BCL11A: variants seen among roughly 807,000 people sequenced by gnomAD.
BCL11A encodes the protein B cell CLL/lymphoma 11A.
A neutral mutation model predicts 55.9 loss-of-function variants in BCL11A; 2 were observed. The observed-to-expected ratio is 0.04, with a 90% confidence interval of 0.01 to 0.11. The LOEUF (loss-of-function observed/expected upper bound fraction) is 0.11, where lower values mean the gene tolerates loss of function less well. Ranked by LOEUF, BCL11A falls within the 10% of genes least tolerant of loss-of-function variation. The pLI is 1.00. For missense variants in BCL11A, 817 were observed against 1,137.1 expected, an observed-to-expected ratio of 0.72 and a Z score of 4.05; for synonymous variants, 465 against 473.4, an observed-to-expected ratio of 0.98 and a Z score of 0.23.
intron 2 of BCL11A, among the ~76,000 whole-genome samples, chr2:60,471,602 G>A (rs1677201282): frequency 6.6e-6 from 1 of 152,224 alleles, no homozygotes; most frequent in Non-Finnish European, 1.5e-5. Flanking sequence ...GAGCAGCTCT[G>A]CCTTCCCAGG....
intron 2 of BCL11A, chr2:60,532,825 C>G (rs933152412): frequency 2.6e-5 from 4 of 152,182 alleles, no homozygotes; most frequent in Non-Finnish European, 5.9e-5. Context: ...TGTAAATTCC[C>G]TGAAAATACA....
chr2:60,454,340 G>T (rs1246480764), downstream of BCL11A, among the ~76,000 whole-genome samples: 1 of 152,178 alleles, frequency 6.6e-6, no homozygotes, highest in African/African-American at 2.4e-5. Context: ...CTGCTAGATG[G>T]CTCATGCCTT....
chr2:60,516,798 A>G (rs895382836), intron 2 of BCL11A, among the ~76,000 whole-genome samples: 11 of 152,266 alleles, frequency 7.2e-5, no homozygotes, highest in Admixed American at 3.9e-4. Context: ...GAGTGCAGAC[A>G]TAAGACTAAA....
intron 2 of BCL11A, chr2:60,537,569 C>A (rs1167624386): frequency 2.0e-5 from 3 of 152,184 alleles, no homozygotes; most frequent in African/African-American, 7.2e-5. Context: ...TATTAAAACT[C>A]TATATTTAAA....
Position 60,546,222 on chromosome 2 carries a change from A to C in BCL11A, c.134T>G (p.Leu45Arg), listed in dbSNP as rs147322058. 1.6e-5 allele frequency: 26 copies of C among 1,614,116 alleles called. No individual in the cohort carries two copies. The Middle Eastern group carries it at 8.2e-4, about 51-fold the overall frequency. Residue 45 changes from leucine (L) to arginine (R), a missense_variant, in exon 2 of 4, where the codon CTC (leucine) becomes CGC (arginine). Leu to Arg is a moderately radical substitution (Grantham distance 102, BLOSUM62 -2). Around this residue, in one of 4 missense-constraint regions of BCL11A, gnomAD observed 363 missense variants for 486.6 expected, o/e 0.75. Transcript: ENST00000642384. This position sits in a 1 kb window ranked among gnomAD's most constrained non-coding sequence, Gnocchi z 4.1. ...CATCTGGCACTGCCCACAGGTGAGG[A>C]GGTCATGATCCCCTTCTGGAGCTCC... ...PLGAPEGDHDLLTCGQCQMNF... is the reference protein window; with the variant it reads ...PLGAPEGDHDRLTCGQCQMNF...
chr2:60,490,830 T>A (rs1259226449), intron 2 of BCL11A, among the ~76,000 whole-genome samples: 2 of 152,194 alleles, frequency 1.3e-5, no homozygotes, highest in Non-Finnish European at 2.9e-5. Flanking sequence ...TGATTTACCT[T>A]CCTAAAAGGG....
In BCL11A at chr2:60,462,249, A is replaced by G. The variant is rs756285232; in HGVS notation, c.663T>C (p.Cys221=). Residue 221 remains cysteine, a synonymous_variant, in exon 4 of 4, where the codon TGT becomes TGC. Coordinates refer to ENST00000642384, the MANE Select transcript of BCL11A (RefSeq NM_022893.4). ...VGIPSGLGAE[C]PSQPPLHGIH... ...TCCCATGGAGAGGTGGCTGGGAAGG[A>G]CATTCTGCACCTAGTCCTGAAGGGA... is the stretch of plus-strand genomic sequence containing the variant. 10 of 1,613,804 alleles carry G rather than the reference A, an allele frequency of 6.2e-6. No individual in the cohort carries two copies. Among genetic ancestry groups the G allele is most frequent in the Non-Finnish European group, 8.5e-6 (10 of 1,179,952 alleles).
At chr2:60,537,295 A>T (rs140011420) in intron 2 of BCL11A, 68 of 152,298 alleles carry the variant, frequency 4.5e-4, no homozygotes, top group Non-Finnish European at 8.2e-4. Context: ...TAATTTTTTT[A>T]AAATATTAGG....
intron 2 of BCL11A, among the ~76,000 whole-genome samples, chr2:60,513,713 A>G (rs1380836490): frequency 1.3e-5 from 2 of 152,196 alleles, no homozygotes; most frequent in African/African-American, 4.8e-5. Flanking sequence ...AAAAAGAAAT[A>G]GCCTCCCATC....
At chr2:60,535,295 C>T (rs1297695259) in intron 2 of BCL11A, 1 of 152,042 alleles carries the variant, frequency 6.6e-6, no homozygotes, top group African/African-American at 2.4e-5. Context: ...TTTTTTAATG[C>T]AAAATTGTAA....
chr2:60,467,244 T>C, intron 3 of BCL11A, among the ~76,000 whole-genome samples: 3 of 120,996 alleles, frequency 2.5e-5, no homozygotes, highest in African/African-American at 9.8e-5. Flanking sequence ...GTAGTGATGG[T>C]GGTGGTAATG....
chr2:60,472,732 T>C (rs1677278081), intron 2 of BCL11A, among the ~76,000 whole-genome samples: 2 of 152,248 alleles, frequency 1.3e-5, no homozygotes. Context: ...CTCAAGAACA[T>C]CTCAAAGATT....
chr2:60,462,534 A>G, intron 3 of BCL11A, 110 bp from the exon 4 acceptor site: 1 of 1,473,282 alleles, frequency 6.8e-7, no homozygotes, highest in Admixed American at 2.5e-5. Context: ...CCTCAACCCC[A>G]AGGCCTAAGC....
At chr2:60,516,008 C>T (rs993513686) in intron 2 of BCL11A, among the ~76,000 whole-genome samples, 2 of 152,182 alleles carry the variant, frequency 1.3e-5, no homozygotes, top group African/African-American at 2.4e-5. Context: ...GTCTGAAGGG[C>T]GGTGGCCCCT....
downstream of BCL11A, chr2:60,457,110 T>C: frequency 2.9e-6 from 1 of 342,678 alleles, no homozygotes; most frequent in Non-Finnish European, 4.2e-6. Context: ...TGAAAAAGAC[T>C]GACTGGCCTT....
intron 2 of BCL11A, chr2:60,522,269 C>T (rs554927544): frequency 6.6e-6 from 1 of 152,316 alleles, no homozygotes; most frequent in Admixed American, 6.5e-5. Flanking sequence ...TTAAGTTGAT[C>T]CCAGACGTCA....
intron 2 of BCL11A, among the ~76,000 whole-genome samples, chr2:60,488,310 A>G (rs1486932968): frequency 6.6e-6 from 1 of 152,246 alleles, no homozygotes; most frequent in Non-Finnish European, 1.5e-5. Context: ...TCTTTGGTGC[A>G]GTGGGAATTG....
At chr2:60,498,775 C>T (rs1158222521) in intron 2 of BCL11A, among the ~76,000 whole-genome samples, 2 of 152,182 alleles carry the variant, frequency 1.3e-5, no homozygotes, top group African/African-American at 4.8e-5. Flanking sequence ...GCCAGACTGC[C>T]AGTTCTCTGA....
At chr2:60,481,388 C>T (rs973977971) in intron 2 of BCL11A, among the ~76,000 whole-genome samples, 1 of 149,724 alleles carries the variant, frequency 6.7e-6, no homozygotes, top group Non-Finnish European at 1.5e-5. Context: ...CTGTCTCCCA[C>T]GACCTACACC....
Sources: gnomAD v4.1 joint callset for allele counts (sites outside exome capture counted in the v4.1 genomes callset) on GRCh38, gnomAD v4.1.1 for gene constraint, gnomAD v4.1.1 regional missense constraint, Gnocchi (gnomAD v3.1) non-coding constraint, MANE v1.5 for transcripts, NCBI Gene and HGNC (gene_info 2026-07-23, HGNC 2026-07-21) for gene names.